The following SMOC2 variants were observed in gnomAD, a reference collection of about 807,000 sequenced individuals.
The protein encoded by SMOC2 is SPARC related modular calcium binding 2, also known as SPARC-related modular calcium-binding protein 2.
A neutral mutation model predicts 61.4 loss-of-function variants in SMOC2; 39 were observed. The ratio of observed to expected loss-of-function variants is 0.64; its 90% confidence interval spans 0.49 to 0.83. SMOC2 has a LOEUF of 0.83. Among genes scored for constraint, SMOC2 ranks in the 40% least tolerant of loss-of-function variants. The pLI is 0.00. For synonymous variants in SMOC2, 247 were observed against 239.9 expected (o/e 1.03, Z -0.27); for missense variants, 556 against 592.9 (o/e 0.94, Z 0.65).
chr6:168,647,228 G>A (rs921535063), intron 9 of SMOC2, among the ~76,000 whole-genome samples: 1 of 152,194 alleles, frequency 6.6e-6, no homozygotes, highest in Non-Finnish European at 1.5e-5. Context: ...GCATGCGGCA[G>A]TTTTGACGCC....
chr6:168,459,899 G>A (rs1446791638), intron 1 of SMOC2, among the ~76,000 whole-genome samples: 1 of 152,036 alleles, frequency 6.6e-6, no homozygotes, highest in East Asian at 1.9e-4. Context: ...GAAGAGCCCC[G>A]AAGTCCGTGT....
At chr6:168,549,265 G>GA in intron 7 of SMOC2, 62 bp downstream of exon 7, 1 of 1,475,048 alleles carries the variant, frequency 6.8e-7, no homozygotes, top group Non-Finnish European at 9.4e-7. Context: ...AAATGATGGG[G>GA]TTTTTTTTTG....
intron 2 of SMOC2, among the ~76,000 whole-genome samples, chr6:168,518,224 C>T (rs936972942): frequency 6.6e-6 from 1 of 152,216 alleles, no homozygotes; most frequent in Admixed American, 6.5e-5. Flanking sequence ...GCAGCATCGA[C>T]CTGTTCATTT....
intron 11 of SMOC2, among the ~76,000 whole-genome samples, chr6:168,656,215 T>A (rs1175227475): frequency 6.6e-6 from 1 of 152,108 alleles, no homozygotes; most frequent in East Asian, 1.9e-4. Flanking sequence ...CACCGTGGTC[T>A]TTAAAATCCT....
intron 8 of SMOC2, among the ~76,000 whole-genome samples, chr6:168,605,370 G>T (rs1428158253): frequency 6.6e-6 from 1 of 152,136 alleles, no homozygotes; most frequent in African/African-American, 2.4e-5. Flanking sequence ...GGTATCTGAT[G>T]GGCAATGAGA....
chr6:168,516,368 A>G (rs541241738), intron 2 of SMOC2, among the ~76,000 whole-genome samples: 6 of 133,782 alleles, frequency 4.5e-5, no homozygotes, highest in African/African-American at 1.9e-4. Context: ...GGCATTCCAT[A>G]GAAAAGCCAA....
intron 2 of SMOC2, among the ~76,000 whole-genome samples, chr6:168,513,968 G>A (rs1783070122): frequency 6.6e-6 from 1 of 152,080 alleles, no homozygotes; most frequent in Non-Finnish European, 1.5e-5. Flanking sequence ...TGGATGGCTG[G>A]GGCCCTCCGG....
At chr6:168,651,422 A>G (rs1787188802) in intron 10 of SMOC2, among the ~76,000 whole-genome samples, 1 of 152,144 alleles carries the variant, frequency 6.6e-6, no homozygotes. Context: ...TCTGTAGATC[A>G]GCCTCAGGAG....
intron 7 of SMOC2, among the ~76,000 whole-genome samples, chr6:168,557,477 A>G (rs1784276577): frequency 6.6e-6 from 1 of 152,234 alleles, no homozygotes; most frequent in Non-Finnish European, 1.5e-5. Context: ...TAAGTACAGA[A>G]AATAGTAATA....
At chr6:168,584,294 G>A (rs551606280) in intron 7 of SMOC2, among the ~76,000 whole-genome samples, 115 of 152,332 alleles carry the variant, frequency 7.5e-4, no homozygotes, top group Non-Finnish European at 1.3e-3. Flanking sequence ...TTCTTCCGAC[G>A]TGGGACCTAA....
rs773860850 is a variant in SMOC2, at chr6:168,453,898, TTCTCTCTGTCTTCCTC to T, written c.84+12456_84+12471del. ...TCCATCTCTGTCTCTCTATCTCTCT[TTCTCTCTGTCTTCCTC>T]TCTCTCTGTCTCTCTGATTCTATCT... On this transcript the variant is annotated intron_variant, in intron 1 of 12. Transcript: ENST00000356284. This position sits in a 1 kb window ranked among gnomAD's most constrained non-coding sequence, Gnocchi z 4.4. Among the ~76,000 whole-genome samples, 1 of 151,530 alleles carries T rather than the reference TTCTCTCTGTCTTCCTC, an allele frequency of 6.6e-6. No individual in the cohort carries two copies. Among genetic ancestry groups the T allele is most frequent in the Non-Finnish European group, 1.5e-5 (1 of 67,890 alleles).
chr6:168,554,749 G>C (rs1784207741), intron 7 of SMOC2, among the ~76,000 whole-genome samples: 1 of 152,224 alleles, frequency 6.6e-6, no homozygotes, highest in Non-Finnish European at 1.5e-5. Flanking sequence ...TTAACACCGT[G>C]TGCCCAATTC....
intron 7 of SMOC2, among the ~76,000 whole-genome samples, chr6:168,583,085 GAA>G (rs1394522762): frequency 6.6e-6 from 1 of 152,220 alleles, no homozygotes; most frequent in Non-Finnish European, 1.5e-5. Context: ...ACTTACTTAA[GAA>G]AAGTTACCAT....
intron 1 of SMOC2, among the ~76,000 whole-genome samples, chr6:168,507,508 G>T (rs1782900827): frequency 6.6e-6 from 1 of 152,228 alleles, no homozygotes; most frequent in Admixed American, 6.5e-5. Flanking sequence ...CATTTTATAA[G>T]ATCCAAGCAG....
At chr6:168,595,202 A>G (rs1210117847) in intron 7 of SMOC2, among the ~76,000 whole-genome samples, 2 of 119,760 alleles carry the variant, frequency 1.7e-5, no homozygotes, top group African/African-American at 6.7e-5. Flanking sequence ...CACGAGGGGC[A>G]TCTTTCTAGA....
At chr6:168,621,024 T>C (rs1053178205) in intron 9 of SMOC2, among the ~76,000 whole-genome samples, 3 of 149,854 alleles carry the variant, frequency 2.0e-5, no homozygotes, top group African/African-American at 7.7e-5. Flanking sequence ...CCACAGGCTA[T>C]GGAAACCCCT....
At chr6:168,488,774 C>T (rs993988171) in intron 1 of SMOC2, among the ~76,000 whole-genome samples, 9 of 151,510 alleles carry the variant, frequency 5.9e-5, no homozygotes, top group East Asian at 1.9e-4. Flanking sequence ...TGAAATATAT[C>T]GAATCGTCTG....
At chr6:168,656,507 T>TA (rs5881805) in intron 11 of SMOC2, among the ~76,000 whole-genome samples, 2,585 of 86,754 alleles carry the variant, frequency 0.03, 81 homozygotes, top group African/African-American at 0.063. Context: ...GACTTTGTGT[T>TA]AAAAAAAAAA....
At chr6:168,516,866 A>T (rs1043470353) in intron 2 of SMOC2, among the ~76,000 whole-genome samples, 1 of 152,160 alleles carries the variant, frequency 6.6e-6, no homozygotes, top group Non-Finnish European at 1.5e-5. Context: ...AGGCAGGGGA[A>T]TCCCTTGAAC....
Sources: allele counts gnomAD v4.1 joint callset (sites outside exome capture counted in the v4.1 genomes callset), GRCh38; gene constraint gnomAD v4.1.1; non-coding constraint Gnocchi (gnomAD v3.1); transcripts MANE v1.5; gene names NCBI Gene and HGNC (gene_info 2026-07-23, HGNC 2026-07-21).